The following SH3TC1 variants were observed in gnomAD, a reference collection of about 807,000 sequenced individuals.
SH3TC1 encodes SH3 domain and tetratricopeptide repeat-containing protein 1.
In SH3TC1, 135 loss-of-function variants were observed where a neutral mutation model predicts 117.3. That is an observed-to-expected ratio of 1.15 (90% CI 1.00 to 1.33). SH3TC1 has a LOEUF of 1.33. Ranked by LOEUF, SH3TC1 falls within the 40% of genes most tolerant of loss-of-function variation. The probability of loss-of-function intolerance (pLI) is 0.00; values close to 1 mark genes in which losing one functional copy is unlikely to be tolerated. For missense variants in SH3TC1, 2,092 were observed against 1,794.3 expected, an observed-to-expected ratio of 1.17 and a Z score of -3.00; for synonymous variants, 898 against 816.9, an observed-to-expected ratio of 1.10 and a Z score of -1.69.
Position 8,228,504 on chromosome 4 carries a change from C to A in SH3TC1, c.2810C>A (p.Pro937His), listed in dbSNP as rs772417635. Residue 937 changes from proline to histidine, a missense_variant, in exon 12 of 18, where the codon CCC becomes CAC. Pro to His is a moderately conservative substitution (Grantham distance 77). Coordinates refer to ENST00000245105, the MANE Select transcript of SH3TC1 (RefSeq NM_018986.5). ...GCCGTGCGGCTGTTCTCGAGGCTGC[C>A]CCTTGGGGAGTGTGGCCGGGACTTC... The part of the protein sequence containing the change: ...LEAVRLFSRL[P>H]LGECGRDFTH... The A allele has an allele frequency of 1.9e-6, 3 of 1,611,608 alleles. No individual in the cohort carries two copies.
intron 13 of SH3TC1, 114 bp downstream of exon 13, chr4:8,232,270 T>G: frequency 2.1e-6 from 3 of 1,442,208 alleles, no homozygotes; most frequent in South Asian, 1.3e-5. Context: ...TTGGGATCAT[T>G]TGGTTCCTTG....
chr4:8,233,349 G>A lies in SH3TC1; in HGVS notation c.3132-14G>A, dbSNP rs753839088. The A allele has an allele frequency of 6.3e-7, 1 of 1,597,742 alleles. No individual in the cohort carries two copies. Among genetic ancestry groups the A allele is most frequent in the Non-Finnish European group, 8.5e-7 (1 of 1,171,270 alleles). ...GATGACAGCCCTTGTTCTGACACCT[G>A]TGTCTGATACCAGGGCCTACAAATC... is the stretch of plus-strand genomic sequence containing the variant. On this transcript the variant is annotated splice_polypyrimidine_tract_variant and intron_variant, in intron 13 of 17. Transcript: ENST00000245105.
Position 8,205,598 on chromosome 4 carries a change from C to A in SH3TC1, c.172+232C>A. ...GGCCCAGCTCGTGTTTTTCCAGGGACGCGTCAGTGATAACAAAACTGGCAA... is the reference window on the plus strand; with the variant it reads ...GGCCCAGCTCGTGTTTTTCCAGGGAAGCGTCAGTGATAACAAAACTGGCAA... On this transcript the variant is annotated intron_variant, in intron 2 of 17. Transcript: ENST00000245105. The surrounding 1 kb of genome is among the most constrained non-coding windows in gnomAD (Gnocchi z 5.4). 1.3e-6 allele frequency: 1 copy of A among 777,012 alleles called. No homozygotes were observed. Among genetic ancestry groups the A allele is most frequent in the Non-Finnish European group, 2.3e-6 (1 of 428,548 alleles). 48.1% of individuals were successfully genotyped at this position (777,012 alleles called of 1,614,324 possible). A position where few individuals can be genotyped will look rare whatever the true frequency, so the allele number is the denominator to read the frequency against.
At chr4:8,212,631 G>A in intron 3 of SH3TC1, 70 bp from the exon 4 acceptor site, 2 of 1,602,838 alleles carry the variant, frequency 1.2e-6, no homozygotes, top group Non-Finnish European at 1.7e-6. Context: ...GCTGGCAGGT[G>A]GAGTACAGTG....
intron 3 of SH3TC1, 147 bp from the exon 4 acceptor site, chr4:8,212,554 A>T: frequency 9.0e-7 from 1 of 1,105,094 alleles, no homozygotes; most frequent in Non-Finnish European, 1.3e-6. Flanking sequence ...TTGAGATCTA[A>T]ACCCGGGGCT....
rs1453284620 is a variant in SH3TC1 at position 8,210,067 on chromosome 4, CG to C, written c.247+247del. On this transcript the variant is annotated intron_variant, in intron 3 of 17. Transcript: ENST00000245105. The surrounding 1 kb of genome is among the most constrained non-coding windows in gnomAD (Gnocchi z 4.1). The stretch of plus-strand genomic sequence containing the variant: ...TGTGCACCTGCACAAACGGCAGACA[CG>C]GTCCTGGGGGCTCCGTGGGTGACAC... Among the ~76,000 whole-genome samples, 2 of 152,204 alleles carry C rather than the reference CG, an allele frequency of 1.3e-5. No individual in the cohort carries two copies. Among genetic ancestry groups the C allele is most frequent in the Non-Finnish European group, 2.9e-5 (2 of 68,026 alleles).
rs1319666720 is a variant in SH3TC1 at position 8,219,322 on chromosome 4, C to T, written c.917-13C>T. The T allele has an allele frequency of 1.7e-5, 27 of 1,567,720 alleles. No individual in the cohort carries two copies. The highest frequency in any genetic ancestry group is 2.3e-5 in the Non-Finnish European group (26 of 1,151,540). On this transcript the variant is annotated splice_polypyrimidine_tract_variant and intron_variant, in intron 8 of 17. Transcript: ENST00000245105. Reference sequence around the variant, plus strand: ...GGTCTCCCTGGCACTCACCATGTGGCTTTCTTCCGCAGCTGTGGGCCTGGC... The same window carrying T: ...GGTCTCCCTGGCACTCACCATGTGGTTTTCTTCCGCAGCTGTGGGCCTGGC...
rs1718103900 is a variant in SH3TC1, at chr4:8,205,247, G to T, written c.53G>T (p.Gly18Val). 1.9e-6 allele frequency: 3 copies of T among 1,550,280 alleles called. No individual in the cohort carries two copies. The highest frequency in any genetic ancestry group is 2.0e-5 in the Admixed American group (1 of 51,018). ...GAGGAGCCGACCCCCATGGGGAGGG[G>T]TCCTGTGGGACCCTCAGGAGGTGGC... ...TTEEPTPMGRGPVGPSGGGST... is the reference protein window; with the variant it reads ...TTEEPTPMGRVPVGPSGGGST... Residue 18 changes from glycine (G) to valine (V), a missense_variant, in exon 2 of 18, where the codon GGT becomes GTT. Gly to Val is a moderately radical substitution (Grantham distance 109, BLOSUM62 -3). Coordinates refer to ENST00000245105, the MANE Select transcript of SH3TC1 (RefSeq NM_018986.5). This position sits in a 1 kb window ranked among gnomAD's most constrained non-coding sequence, Gnocchi z 5.4.
chr4:8,187,575 T>C (rs376127697), intron 1 of SH3TC1, among the ~76,000 whole-genome samples: 1 of 150,438 alleles, frequency 6.6e-6, no homozygotes, highest in Non-Finnish European at 1.5e-5. Context: ...TTTTTGGAGA[T>C]GGAGTCTTGC....
Position 8,225,071 on chromosome 4 carries a change from C to A in SH3TC1, c.1244-104C>A, listed in dbSNP as rs1720333344. The A allele has an allele frequency of 7.2e-7, 1 of 1,383,590 alleles. No individual in the cohort carries two copies. Among genetic ancestry groups the A allele is most frequent in the African/African-American group, 1.4e-5 (1 of 70,372 alleles). The allele number at this position is 1,383,590 out of a possible 1,614,324, so 85.7% of individuals were successfully genotyped here. A position where few individuals can be genotyped will look rare whatever the true frequency, so the allele number is the denominator to read the frequency against. On this transcript the variant is annotated intron_variant, in intron 10 of 17. Coordinates refer to ENST00000245105, the MANE Select transcript of SH3TC1 (RefSeq NM_018986.5). The surrounding 1 kb of genome is among the most constrained non-coding windows in gnomAD (Gnocchi z 5.5). ...AACATCTCAGCCCTCAATACCTGCA[C>A]CCAGCAATGCTCTCACCCTGCAACA...
intron 14 of SH3TC1, among the ~76,000 whole-genome samples, 188 bp from the exon 15 acceptor site, chr4:8,235,245 C>T (rs541286745): frequency 7.4e-4 from 113 of 152,244 alleles, no homozygotes; most frequent in Non-Finnish European, 1.5e-3. Context: ...CACCTCCTGG[C>T]ACTCGGGTGC....
At chr4:8,189,123 G>A (rs747905) in intron 1 of SH3TC1, among the ~76,000 whole-genome samples, 6,090 of 152,344 alleles carry the variant, frequency 0.04, 391 homozygotes, top group African/African-American at 0.14. Context: ...AACCCGGCTC[G>A]GAATACATGG....
At chr4:8,197,764 C>T (rs1157689188), upstream of SH3TC1, among the ~76,000 whole-genome samples, 1 of 152,190 alleles carries the variant, frequency 6.6e-6, no homozygotes, top group Non-Finnish European at 1.5e-5. Context: ...CACCCCCGAT[C>T]CCGGGCCCTG....
chr4:8,197,029 C>G (rs1717575985), upstream of SH3TC1, among the ~76,000 whole-genome samples: 1 of 152,184 alleles, frequency 6.6e-6, no homozygotes, highest in Non-Finnish European at 1.5e-5. Context: ...GGAAAGGAAT[C>G]TTTGCAGATA....
chr4:8,228,766 A>C, intron 12 of SH3TC1, 122 bp downstream of exon 12: 1 of 864,600 alleles, frequency 1.2e-6, no homozygotes. Context: ...GTCATGGCAA[A>C]CAGCAGATGT....
intron 5 of SH3TC1, 39 bp downstream of exon 5, chr4:8,214,619 C>T (rs369928889): frequency 1.9e-6 from 3 of 1,543,350 alleles, no homozygotes; most frequent in Non-Finnish European, 2.7e-6. Flanking sequence ...CATGGGGACG[C>T]CCGTCGGAAG....
At chr4:8,216,347 C>G (rs1442422041) in intron 6 of SH3TC1, 90 bp downstream of exon 6, 5 of 1,519,908 alleles carry the variant, frequency 3.3e-6, no homozygotes, top group African/African-American at 2.7e-5. Context: ...CTGTGCTGAG[C>G]ATGTCTGGGG....
chr4:8,214,176 G>A (rs1035389557), intron 4 of SH3TC1, among the ~76,000 whole-genome samples: 3 of 152,152 alleles, frequency 2.0e-5, no homozygotes, highest in African/African-American at 7.2e-5. Context: ...GGTCACTGGT[G>A]TGTGGGGGAT....
At position 8,216,125 on chromosome 4, in the gene SH3TC1, T is replaced by C; in HGVS notation, c.496T>C (p.Cys166Arg). 1 of 1,613,408 alleles carries C rather than the reference T, an allele frequency of 6.2e-7. No individual in the cohort carries two copies. Among genetic ancestry groups the C allele is most frequent in the Non-Finnish European group, 8.5e-7 (1 of 1,180,002 alleles). ...TYHALGFTHH[C>R]LANLLMDQAF... ...GGCCTCCACAGGCTTCACTCATCAC[T>C]GCCTGGCAAACCTGCTCATGGACCA... The change falls in exon 6 of 18, where the codon TGC becomes CGC. Residue 166 changes from cysteine to arginine, a missense_variant. By Grantham distance (180) the Cys-to-Arg change is radical. Transcript: ENST00000245105.
Sources: allele counts gnomAD v4.1 joint callset (sites outside exome capture counted in the v4.1 genomes callset), GRCh38; gene constraint gnomAD v4.1.1; non-coding constraint Gnocchi (gnomAD v3.1); transcripts MANE v1.5; gene names NCBI Gene and HGNC (gene_info 2026-07-23, HGNC 2026-07-21).